Variants in RPSA2 observed in about 807,000 individuals in gnomAD.
The protein encoded by RPSA2 is small ribosomal subunit protein uS2B.
the RPSA2 span, among the ~76,000 whole-genome samples, chr19:23,862,581 G>A: frequency 2.1e-4 from 32 of 152,174 alleles, no homozygotes; most frequent in African/African-American, 7.7e-4. Context: ...AGTGTTTTTA[G>A]CATGAAGGGT....
At chr19:23,819,147 C>G in the RPSA2 span, 1 of 152,058 alleles carries the variant, frequency 6.6e-6, no homozygotes, top group African/African-American at 2.4e-5. Flanking sequence ...GGAAAGTTTC[C>G]AGACGTAAGA....
chr19:23,859,287 C>T, the RPSA2 span, among the ~76,000 whole-genome samples: 148,963 of 152,296 alleles, frequency 0.98, 72,944 homozygotes, highest in Middle Eastern at 1. Context: ...TTCTTGTTTC[C>T]CTACACTTAC....
chr19:23,843,230 G>A, the RPSA2 span: 1 of 267,086 alleles, frequency 3.7e-6, no homozygotes, highest in Non-Finnish European at 7.8e-6. Flanking sequence ...GCAAATAAAA[G>A]AACCCTGGTA....
chr19:23,861,297 T>A, the RPSA2 span, among the ~76,000 whole-genome samples: 3 of 152,172 alleles, frequency 2.0e-5, no homozygotes, highest in East Asian at 3.9e-4. Flanking sequence ...TTCAAATCTC[T>A]TCAAAAGTAG....
chr19:23,829,489 T>A, the RPSA2 span, among the ~76,000 whole-genome samples: 1 of 152,080 alleles, frequency 6.6e-6, no homozygotes, highest in African/African-American at 2.4e-5. Flanking sequence ...TTAGTAGATA[T>A]GAGGTTTCTC....
At chr19:23,828,388 T>A in the RPSA2 span, among the ~76,000 whole-genome samples, 1 of 146,268 alleles carries the variant, frequency 6.8e-6, no homozygotes, top group Non-Finnish European at 1.5e-5. Context: ...ACTTTTGAGG[T>A]TGGTGTTTCT....
chr19:23,863,698 C>T, the RPSA2 span, among the ~76,000 whole-genome samples: 3 of 152,170 alleles, frequency 2.0e-5, no homozygotes, highest in African/African-American at 7.2e-5. Context: ...CCCCTAGCTA[C>T]TACAAAACTT....
At chr19:23,792,789 A>G in the RPSA2 span, among the ~76,000 whole-genome samples, 1 of 152,088 alleles carries the variant, frequency 6.6e-6, no homozygotes, top group African/African-American at 2.4e-5. Context: ...CTGGAATTAC[A>G]GGTGTGAGCC....
chr19:23,811,456 A>C, the RPSA2 span, among the ~76,000 whole-genome samples: 6 of 152,168 alleles, frequency 3.9e-5, no homozygotes, highest in South Asian at 1.2e-3. Context: ...TTAAAAAGGC[A>C]TTTTCATCAG....
chr19:23,758,582 CG>C, the RPSA2 span, among the ~76,000 whole-genome samples: 1 of 152,270 alleles, frequency 6.6e-6, no homozygotes, highest in East Asian at 1.9e-4. Context: ...AAAGGACGCC[CG>C]GGGGGCTGGC....
chr19:23,870,005 A>T, the RPSA2 span, among the ~76,000 whole-genome samples: 1 of 152,188 alleles, frequency 6.6e-6, no homozygotes, highest in South Asian at 2.1e-4. Context: ...CATTGCAAAC[A>T]TGTAATATCT....
chr19:23,792,028 T>C, the RPSA2 span, among the ~76,000 whole-genome samples: 7 of 152,158 alleles, frequency 4.6e-5, no homozygotes, highest in African/African-American at 1.7e-4. Flanking sequence ...TGCCGACTGA[T>C]TGTTTACTAC....
chr19:23,766,500 G>C, the RPSA2 span, among the ~76,000 whole-genome samples: 3 of 148,324 alleles, frequency 2.0e-5, no homozygotes, highest in Non-Finnish European at 4.5e-5. Flanking sequence ...CACCCAGGCT[G>C]GAGGGCAGTG....
chr19:23,769,653 CTT>C, the RPSA2 span, among the ~76,000 whole-genome samples: 6 of 152,216 alleles, frequency 3.9e-5, no homozygotes, highest in East Asian at 1.2e-3. Context: ...CGATGTGTCT[CTT>C]TTGTTTGGAC....
the RPSA2 span, among the ~76,000 whole-genome samples, chr19:23,843,966 C>G: frequency 6.6e-6 from 1 of 152,020 alleles, no homozygotes; most frequent in African/African-American, 2.4e-5. Flanking sequence ...TTCATGTTGT[C>G]CAGCCTGGTC....
At chr19:23,817,566 G>A in the RPSA2 span, 3 of 152,124 alleles carry the variant, frequency 2.0e-5, no homozygotes, top group Admixed American at 2.0e-4. Context: ...ATGTGGTTTT[G>A]TTAGAGAAAA....
chr19:23,823,940 C>T, the RPSA2 span: 1 of 152,222 alleles, frequency 6.6e-6, no homozygotes, highest in Non-Finnish European at 1.5e-5. Flanking sequence ...CCTGTCATCT[C>T]CATCTCCTGG....
At chr19:23,860,512 T>C in the RPSA2 span, among the ~76,000 whole-genome samples, 1 of 152,186 alleles carries the variant, frequency 6.6e-6, no homozygotes, top group African/African-American at 2.4e-5. Context: ...CTGGTGAATT[T>C]TAGAACTGGA....
At chr19:23,839,669 C>T in the RPSA2 span, among the ~76,000 whole-genome samples, 3 of 152,236 alleles carry the variant, frequency 2.0e-5, no homozygotes, top group Non-Finnish European at 4.4e-5. Flanking sequence ...CTAGGGAAAT[C>T]CTTCTCCCCT....
Sources: allele counts gnomAD v4.1 joint callset (sites outside exome capture counted in the v4.1 genomes callset), GRCh38; gene constraint gnomAD v4.1.1; transcripts MANE v1.5; gene names NCBI Gene and HGNC (gene_info 2026-07-23, HGNC 2026-07-21).